The following STON1 variants were observed in gnomAD, a reference collection of about 807,000 sequenced individuals.
The protein encoded by STON1 is stonin-1.
In STON1, 79 loss-of-function variants were observed where a neutral mutation model predicts 60.9. The observed-to-expected ratio is 1.30, with a 90% CI of 1.08 to 1.56. STON1 has a LOEUF of 1.56. STON1 is among the 40% of genes most tolerant of loss of function. The pLI is 0.00. For synonymous variants in STON1, 363 were observed against 306.9 expected (o/e 1.18, Z -1.91); for missense variants, 1,166 against 858.9 (o/e 1.36, Z -4.47).
At chr2:48,590,743 G>A (rs1166699361) in intron 2 of STON1, among the ~76,000 whole-genome samples, 1 of 151,618 alleles carries the variant, frequency 6.6e-6, no homozygotes, top group Non-Finnish European at 1.5e-5. Flanking sequence ...TAGCACAGAT[G>A]CTCAATAAGT....
chr2:48,532,757 G>C (rs1671265798), intron 1 of STON1, among the ~76,000 whole-genome samples: 1 of 152,158 alleles, frequency 6.6e-6, no homozygotes, highest in African/African-American at 2.4e-5. Context: ...TGGACCTAAG[G>C]AGCAGGTGGT....
rs554048718 is a variant in STON1 at position 48,581,593 on chromosome 2, A to G, written c.960A>G (p.Lys320=). 281 of 1,614,242 alleles carry G rather than the reference A, an allele frequency of 1.7e-4. 2 individuals are homozygous for G. The South Asian group carries it at 2.4e-3, about 14-fold the overall frequency. The stretch of plus-strand genomic sequence containing the variant: ...AACAGGGATTAGAAAAACCATTTAA[A>G]GAGATACAGCTTGATCCATATTGTA... ...YYEQGLEKPF[K]EIQLDPYCRL... Residue 320 remains lysine, a synonymous_variant, in exon 2 of 4, where the codon AAA becomes AAG. Transcript: ENST00000404752.
At chr2:48,544,664 G>C (rs986022864) in intron 1 of STON1, among the ~76,000 whole-genome samples, 6 of 152,240 alleles carry the variant, frequency 3.9e-5, no homozygotes, top group African/African-American at 1.4e-4. Flanking sequence ...TCCTGCTTCA[G>C]CCTCCCGAGT....
Position 48,591,854 on chromosome 2 carries a change from A to G in STON1, c.2132A>G (p.Gln711Arg), listed in dbSNP as rs1460630343. The G allele has an allele frequency of 1.2e-6, 2 of 1,613,818 alleles. No individual in the cohort carries two copies. Among genetic ancestry groups the G allele is most frequent in the Admixed American group, 1.7e-5 (1 of 59,966 alleles). Residue 711 changes from glutamine to arginine, a missense_variant and splice_region_variant, in exon 3 of 4, where the codon CAG becomes CGG. Coordinates refer to ENST00000404752, the MANE Select transcript of STON1 (RefSeq NM_006873.4). ...HVQQRACYNI[Q>R]VEIEKKWIKI... ...CAGCAGCGAGCTTGCTACAACATCC[A>G]GGTACATCCCAAAACTTCTAGAACT... is the stretch of plus-strand genomic sequence containing the variant.
chr2:48,535,929 A>C (rs1671408290), intron 1 of STON1, among the ~76,000 whole-genome samples: 1 of 151,924 alleles, frequency 6.6e-6, no homozygotes, highest in Admixed American at 6.6e-5. Flanking sequence ...CTCTACAAAA[A>C]ATATAAAAAT....
At position 48,591,856 on chromosome 2, in the gene STON1, G is replaced by T. The variant is rs1162141445; in HGVS notation, c.2133+1G>T. The T allele has an allele frequency of 1.2e-6, 2 of 1,613,712 alleles. No individual in the cohort carries two copies. Among genetic ancestry groups the T allele is most frequent in the South Asian group, 1.1e-5 (1 of 90,974 alleles). The stretch of plus-strand genomic sequence containing the variant: ...GCAGCGAGCTTGCTACAACATCCAG[G>T]TACATCCCAAAACTTCTAGAACTGT... On this transcript the variant is annotated splice_donor_variant, in intron 3 of 3. Coordinates refer to ENST00000404752, the MANE Select transcript of STON1 (RefSeq NM_006873.4). LOFTEE classifies it high-confidence loss of function.
intron 1 of STON1, chr2:48,531,775 C>T (rs1671220321): frequency 6.6e-6 from 1 of 152,188 alleles, no homozygotes; most frequent in Admixed American, 6.5e-5. Context: ...GAAGAACACA[C>T]TTCTCAAAAC....
intron 1 of STON1, 35 bp from the exon 2 acceptor site, chr2:48,580,552 A>C (rs917675988): frequency 3.0e-6 from 4 of 1,315,310 alleles, no homozygotes; most frequent in Non-Finnish European, 3.9e-6. Context: ...TTCATTTTAT[A>C]TACCTATTTT....
chr2:48,595,400 A>G lies in STON1; in HGVS notation c.*98A>G. The G allele has an allele frequency of 2.7e-6, 3 of 1,092,982 alleles. No homozygotes were observed. Among genetic ancestry groups the G allele is most frequent in the Non-Finnish European group, 4.1e-6 (3 of 732,702 alleles). The allele number at this position is 1,092,982 out of a possible 1,614,324, so 67.7% of individuals were successfully genotyped here. A position where few individuals can be genotyped will look rare whatever the true frequency, so the allele number is the denominator to read the frequency against. On this transcript the variant is annotated 3_prime_UTR_variant, in exon 4 of 4. Transcript: ENST00000404752. ...ACTGTAGAGTGGAAATGACTTCTGA[A>G]TAGCGGTTTTAGGACAGGTCTGATG...
chr2:48,578,529 T>TTTCTCCTCC lies in STON1; in HGVS notation c.-47-2029_-47-2021dup, dbSNP rs139630416. On this transcript the variant is annotated intron_variant, in intron 1 of 3. Transcript: ENST00000404752. ...TCTCCTCCTCCTTCTCCGCTTCCTCTTTCTCCTCCTTCTCCTCCTTCTCCT... is the reference window on the plus strand; with the variant it reads ...TCTCCTCCTCCTTCTCCGCTTCCTCTTTCTCCTCCTTCTCCTCCTTCTCCTCCTTCTCCT... Among the ~76,000 whole-genome samples the TTTCTCCTCC allele has an allele frequency of 4.3e-3, 553 of 129,220 alleles. 9 individuals carry two copies. Among genetic ancestry groups the TTTCTCCTCC allele is most frequent in the African/African-American group, 0.014 (488 of 35,110 alleles). The allele number at this position is 129,220 out of a possible 152,430, so 84.8% of individuals were successfully genotyped here.
intron 1 of STON1, among the ~76,000 whole-genome samples, chr2:48,550,115 C>T (rs1449159482): frequency 1.3e-5 from 2 of 152,038 alleles, no homozygotes; most frequent in Admixed American, 1.3e-4. Context: ...CTTGCTCTCA[C>T]CACATGGGAG....
chr2:48,550,057 G>C (rs1056847619), intron 1 of STON1, among the ~76,000 whole-genome samples: 2 of 151,892 alleles, frequency 1.3e-5, no homozygotes, highest in African/African-American at 4.8e-5. Context: ...GGTGACTTCT[G>C]GGATCTAGTA....
intron 1 of STON1, among the ~76,000 whole-genome samples, chr2:48,579,583 T>G (rs779575542): frequency 6.6e-6 from 1 of 152,234 alleles, no homozygotes; most frequent in South Asian, 2.1e-4. Flanking sequence ...AGAAAAAATG[T>G]TTGTGTGATT....
chr2:48,588,803 C>T (rs1398593098), intron 2 of STON1, among the ~76,000 whole-genome samples: 18 of 152,006 alleles, frequency 1.2e-4, no homozygotes. Flanking sequence ...CTGCTGGTCC[C>T]TTAATGTCCC....
chr2:48,538,914 G>T (rs562878627), intron 1 of STON1, among the ~76,000 whole-genome samples: 1 of 151,740 alleles, frequency 6.6e-6, no homozygotes, highest in African/African-American at 2.4e-5. Context: ...CACTGCTCTC[G>T]GCCTATTTAT....
rs565936225 is a variant in STON1 at position 48,584,571 on chromosome 2, C to A, written c.1930+2008C>A. On this transcript the variant is annotated intron_variant, in intron 2 of 3. Transcript: ENST00000404752. ...GTGTGAGCCACCATGCCTGGCCAAACCTGACTATATTAGAATAACTTGAAA... is the reference window on the plus strand; with the variant it reads ...GTGTGAGCCACCATGCCTGGCCAAAACTGACTATATTAGAATAACTTGAAA... Among the ~76,000 whole-genome samples the A allele has an allele frequency of 2.0e-5, 3 of 152,060 alleles. No individual in the cohort carries two copies. The East Asian group carries it at 5.8e-4, about 29-fold the overall frequency.
At chr2:48,572,792 A>C (rs946242455) in intron 1 of STON1, among the ~76,000 whole-genome samples, 2 of 152,144 alleles carry the variant, frequency 1.3e-5, no homozygotes, top group Admixed American at 6.5e-5. Context: ...GAAGAGGGTG[A>C]GATGGAGATA....
chr2:48,551,820 T>G (rs940667229), intron 1 of STON1, among the ~76,000 whole-genome samples: 1 of 152,216 alleles, frequency 6.6e-6, no homozygotes, highest in Non-Finnish European at 1.5e-5. Context: ...CAGGCATGAA[T>G]AAGATCCTAT....
intron 1 of STON1, among the ~76,000 whole-genome samples, chr2:48,534,975 G>A (rs1671363788): frequency 6.6e-6 from 1 of 152,152 alleles, no homozygotes; most frequent in Admixed American, 6.6e-5. Context: ...CGAATTCCAT[G>A]GAGGCTTCCT....
Sources: allele counts gnomAD v4.1 joint callset (sites outside exome capture counted in the v4.1 genomes callset), GRCh38; gene constraint gnomAD v4.1.1; transcripts MANE v1.5; gene names NCBI Gene and HGNC (gene_info 2026-07-23, HGNC 2026-07-21).